ABCA1: variants seen among roughly 807,000 people sequenced by gnomAD.
ABCA1 encodes phospholipid-transporting ATPase ABCA1.
Under a neutral mutation model 262.5 loss-of-function variants are expected in ABCA1, and 133 were observed. The ratio of observed to expected loss-of-function variants is 0.51; its 90% CI spans 0.44 to 0.59. The LOEUF (loss-of-function observed/expected upper bound fraction) is 0.59. Among genes scored for constraint, ABCA1 ranks in the 20% least tolerant of loss-of-function variants. The pLI is 0.00. For synonymous variants in ABCA1, 1,022 were observed against 1,043.5 expected (o/e 0.98, Z 0.40); for missense variants, 2,452 against 2,777.5 (o/e 0.88, Z 2.63).
chr9:104,853,385 G>C (rs1208118879), intron 7 of ABCA1, among the ~76,000 whole-genome samples: 1 of 152,210 alleles, frequency 6.6e-6, no homozygotes, highest in African/African-American at 2.4e-5. Context: ...CAGTGTCTGT[G>C]TTGGCAAAGA....
chr9:104,894,317 G>GA (rs1352565380), intron 2 of ABCA1, among the ~76,000 whole-genome samples: 6 of 151,956 alleles, frequency 3.9e-5, no homozygotes, highest in Non-Finnish European at 5.9e-5. Flanking sequence ...TTGGTTGACT[G>GA]AAAAAAATGA....
chr9:104,857,529 G>A (rs925608335), intron 7 of ABCA1, among the ~76,000 whole-genome samples: 1 of 152,134 alleles, frequency 6.6e-6, no homozygotes, highest in Non-Finnish European at 1.5e-5. Context: ...ACCACACCTG[G>A]CCGATACAAA....
chr9:104,882,056 A>AAAAAAAAAAAAAAAAAAAAAAAAC (rs910844455), intron 5 of ABCA1, among the ~76,000 whole-genome samples: 1 of 144,538 alleles, frequency 6.9e-6, no homozygotes, highest in Non-Finnish European at 1.5e-5. Context: ...AAAAAAAAAA[A>AAAAAAAAAAAAAAAAAAAAAAAAC]ACTCAAATCT....
rs756412394 is a variant in ABCA1, at chr9:104,825,768, G to A, written c.2457C>T (p.Phe819=). 2 of 1,614,210 alleles carry A rather than the reference G, an allele frequency of 1.2e-6. No homozygotes were observed. Among genetic ancestry groups the A allele is most frequent in the Non-Finnish European group, 1.7e-6 (2 of 1,180,032 alleles). The change falls in exon 17 of 50, where the codon TTC becomes TTT. Residue 819 remains phenylalanine (F), a synonymous_variant. Coordinates refer to ENST00000374736, the MANE Select transcript of ABCA1 (RefSeq NM_005502.4). ...LFESPVEEDG[F]NLTTSVSMML... ...TCATGGAGACCGAAGTGGTGAGATTGAAGCCATCTTCCTCCACAGGACTCT... is the reference window on the plus strand; with the variant it reads ...TCATGGAGACCGAAGTGGTGAGATTAAAGCCATCTTCCTCCACAGGACTCT...
At chr9:104,854,458 TA>T (rs140529806) in intron 7 of ABCA1, among the ~76,000 whole-genome samples, 13,077 of 145,018 alleles carry the variant, frequency 0.09, 666 homozygotes, top group South Asian at 0.16. Flanking sequence ...ATAGTAGCAA[TA>T]AAAAAAAAAA....
intron 2 of ABCA1, among the ~76,000 whole-genome samples, chr9:104,897,367 G>A (rs1840314635): frequency 6.6e-6 from 1 of 152,102 alleles, no homozygotes; most frequent in South Asian, 2.1e-4. Flanking sequence ...CTTCAACCTA[G>A]TAATCCTGTT....
intron 8 of ABCA1, among the ~76,000 whole-genome samples, chr9:104,843,658 A>G (rs1834583324): frequency 6.6e-6 from 1 of 152,178 alleles, no homozygotes; most frequent in African/African-American, 2.4e-5. Flanking sequence ...ATACAGGGAA[A>G]TGGGTGACAC....
intron 1 of ABCA1, among the ~76,000 whole-genome samples, chr9:104,919,544 G>A (rs1332954199): frequency 3.3e-5 from 5 of 152,028 alleles, no homozygotes; most frequent in Non-Finnish European, 7.4e-5. Context: ...TCTGGGAGGC[G>A]GAAGTTGCAG....
chr9:104,846,373 G>A (rs114512051), intron 7 of ABCA1, among the ~76,000 whole-genome samples: 2,438 of 152,300 alleles, frequency 0.016, 53 homozygotes, highest in African/African-American at 0.056. Context: ...AAAGTATCCA[G>A]GGAAAATCCA....
intron 46 of ABCA1, among the ~76,000 whole-genome samples, chr9:104,787,428 C>T (rs370022529): frequency 2.0e-5 from 3 of 151,674 alleles, no homozygotes; most frequent in Non-Finnish European, 2.9e-5. Context: ...AATTCCAGAC[C>T]GAGGTGGAAT....
chr9:104,825,511 A>C, intron 17 of ABCA1, 172 bp downstream of exon 17: 2 of 708,078 alleles, frequency 2.8e-6, no homozygotes, highest in Non-Finnish European at 5.1e-6. Flanking sequence ...CTGTACAAGT[A>C]GTGACAATTG....
intron 16 of ABCA1, among the ~76,000 whole-genome samples, chr9:104,826,322 T>C (rs1832809245): frequency 6.6e-6 from 1 of 152,172 alleles, no homozygotes; most frequent in South Asian, 2.1e-4. Flanking sequence ...GAGCATCCTA[T>C]GAGTCACTCT....
intron 30 of ABCA1, among the ~76,000 whole-genome samples, chr9:104,809,210 A>G (rs2118923935): frequency 1.3e-5 from 2 of 152,370 alleles, no homozygotes; most frequent in Middle Eastern, 6.8e-3. Flanking sequence ...TTTAAATTAA[A>G]TATTAAGGTT....
At chr9:104,824,359 TG>T (rs1282347046) in intron 18 of ABCA1, 105 bp downstream of exon 18, 1 of 1,564,098 alleles carries the variant, frequency 6.4e-7, no homozygotes, top group Non-Finnish European at 8.7e-7. Flanking sequence ...GCCCCTGGAG[TG>T]GTTTCACAGT....
At chr9:104,905,330 C>T (rs1033976996) in intron 1 of ABCA1, among the ~76,000 whole-genome samples, 5 of 152,188 alleles carry the variant, frequency 3.3e-5, no homozygotes, top group African/African-American at 1.2e-4. Context: ...GAACAATACC[C>T]TTTTATCTAC....
At chr9:104,861,165 AC>A (rs1440476298) in intron 6 of ABCA1, among the ~76,000 whole-genome samples, 2 of 152,140 alleles carry the variant, frequency 1.3e-5, no homozygotes, top group Non-Finnish European at 2.9e-5. Context: ...CCTTATTCCC[AC>A]AAGCTGCAGG....
chr9:104,885,321 C>G (rs1196303587), intron 3 of ABCA1, among the ~76,000 whole-genome samples: 1 of 152,158 alleles, frequency 6.6e-6, no homozygotes, highest in Non-Finnish European at 1.5e-5. Context: ...GAGTAGAACC[C>G]CCATCTCCAT....
rs1564117382 is a variant in ABCA1, at chr9:104,814,441, T to C, written c.3773A>G (p.Asp1258Gly). 3 of 1,614,040 alleles carry C rather than the reference T, an allele frequency of 1.9e-6. No homozygotes were observed. Among genetic ancestry groups the C allele is most frequent in the African/African-American group, 2.7e-5 (2 of 74,908 alleles). ...FLKVAEESGV[D>G]AETSDGTLPA... ...AAGGCAGTTACCTGAGGTCTCAGCA[T>C]CCACCCCACTCTCTTCGGCCACCTT... The change falls in exon 26 of 50, where the codon GAT (aspartate) becomes GGT (glycine). Residue 1258 changes from aspartate (D) to glycine (G), a missense_variant. Physicochemically the swap from Asp to Gly is moderately conservative, Grantham distance 94 (BLOSUM62 -1). This residue lies in a region of ABCA1 where 665 missense variants were observed against 727.3 expected (regional missense o/e 0.91). Coordinates refer to ENST00000374736, the MANE Select transcript of ABCA1 (RefSeq NM_005502.4).
Position 104,887,705 on chromosome 9 carries a change from A to G in ABCA1, c.160+1397T>C, listed in dbSNP as rs548084485. On this transcript the variant is annotated intron_variant, in intron 3 of 49. Coordinates refer to ENST00000374736, the MANE Select transcript of ABCA1 (RefSeq NM_005502.4). ...TATCTCACAGGCATATAAATTGCAT[A>G]TAAATTTCAGTTTATGCTTTTTTTT... Among the ~76,000 whole-genome samples the G allele has an allele frequency of 1.3e-3, 203 of 151,000 alleles. 2 individuals are homozygous for G. In the Middle Eastern group the frequency reaches 0.021, roughly 15 times the overall value.
Sources: gnomAD v4.1 joint callset for allele counts (sites outside exome capture counted in the v4.1 genomes callset) on GRCh38, gnomAD v4.1.1 for gene constraint, gnomAD v4.1.1 regional missense constraint, MANE v1.5 for transcripts, NCBI Gene and HGNC (gene_info 2026-07-23, HGNC 2026-07-21) for gene names.